The following PCDH12 variants were observed in gnomAD, a reference collection of about 807,000 sequenced individuals.
The protein encoded by PCDH12 is protocadherin-12.
Under a neutral mutation model 70.9 loss-of-function variants are expected in PCDH12, and 45 were observed. The observed-to-expected ratio is 0.63, with a 90% CI of 0.50 to 0.81. The LOEUF (loss-of-function observed/expected upper bound fraction) is 0.81, where lower values mean the gene tolerates loss of function less well. Among genes scored for constraint, PCDH12 ranks in the 40% least tolerant of loss-of-function variants. PCDH12 has a pLI of 0.00. For synonymous variants in PCDH12, 567 were observed against 626.0 expected, an observed-to-expected ratio of 0.91 and a Z score of 1.41; for missense variants, 1,370 against 1,491.7, an observed-to-expected ratio of 0.92 and a Z score of 1.34.
Position 141,943,910 on chromosome 5 carries a change from G to C in PCDH12, c.*1471C>G, listed in dbSNP as rs1489437632. 6.6e-6 allele frequency: 1 copy of C among 152,180 alleles called. No individual in the cohort carries two copies. Among genetic ancestry groups the C allele is most frequent in the Non-Finnish European group, 1.5e-5 (1 of 68,036 alleles). The allele number at this position is 152,180 out of a possible 1,614,324, so 9.4% of individuals were successfully genotyped here. Reference sequence around the variant, plus strand: ...ATAATGATACCACACTGTATTCCAAGTATGTATGATGCACATTATCCCTAG... The same window carrying C: ...ATAATGATACCACACTGTATTCCAACTATGTATGATGCACATTATCCCTAG... On this transcript the variant is annotated 3_prime_UTR_variant, in exon 4 of 4. Transcript: ENST00000231484.
intron 1 of PCDH12, chr5:141,953,406 C>G (rs1235923615): frequency 6.6e-6 from 1 of 152,192 alleles, no homozygotes; most frequent in African/African-American, 2.4e-5. Context: ...TCATTTAATT[C>G]TTACAACAGC....
Position 141,949,625 on chromosome 5 carries a change from A to T in PCDH12, c.2979-42T>A, listed in dbSNP as rs201522186. ...CCAGTCCATGGGTAGGGACATTCCC[A>T]TATAGATTCATTCATTCATGCCCAT... is the stretch of plus-strand genomic sequence containing the variant. On this transcript the variant is annotated intron_variant, in intron 2 of 3. Coordinates refer to ENST00000231484, the MANE Select transcript of PCDH12 (RefSeq NM_016580.4). The T allele has an allele frequency of 3.7e-4, 594 of 1,590,196 alleles. 1 individual carries two copies. Among genetic ancestry groups the T allele is most frequent in the Non-Finnish European group, 4.8e-4 (563 of 1,169,334 alleles).
chr5:141,945,731 A>T lies in PCDH12; in HGVS notation c.3205T>A (p.Tyr1069Asn). ...TCCGGGGAGATCACATTGTCACGGT[A>T]GTTGGTGGTGAGGGGCAAAGAGAGT... is the stretch of plus-strand genomic sequence containing the variant. Reference protein sequence around the residue: ...ARLSLPLTTNYRDNVISPDAA... With the variant: ...ARLSLPLTTNNRDNVISPDAA... The change falls in exon 4 of 4, where the codon TAC becomes AAC. Residue 1069 changes from tyrosine (Y) to asparagine (N), a missense_variant. Physicochemically the swap from Tyr to Asn is moderately radical, Grantham distance 143 (BLOSUM62 -2). Coordinates refer to ENST00000231484, the MANE Select transcript of PCDH12 (RefSeq NM_016580.4). 1 of 1,614,020 alleles carries T rather than the reference A, an allele frequency of 6.2e-7. No individual in the cohort carries two copies. The highest frequency in any genetic ancestry group is 8.5e-7 in the Non-Finnish European group (1 of 1,180,018).
chr5:141,956,522 T>C lies in PCDH12; in HGVS notation c.1330A>G (p.Lys444Glu), dbSNP rs747119462. The change falls in exon 1 of 4, where the codon AAA (lysine) becomes GAA (glutamate). Residue 444 changes from lysine (K) to glutamate (E), a missense_variant. Transcript: ENST00000231484. ...DQGLQPLSAK[K>E]QLSIQISDIN... ...TCACTGATCTGAATGCTGAGCTGTT[T>C]CTTGGCTGATAAGGGCTGGAGTCCT... 13 of 1,614,222 alleles carry C rather than the reference T, an allele frequency of 8.1e-6. No homozygotes were observed. Among genetic ancestry groups the C allele is most frequent in the Non-Finnish European group, 1.1e-5 (13 of 1,180,042 alleles).
chr5:141,951,574 AG>A lies in PCDH12; in HGVS notation c.2896del (p.Leu966CysfsTer62). ...GAATTGGCCCTGATGCAGCAAGGACAGCAGCTGGGAGATTTGCTACAAGACA... is the reference window on the plus strand; with the variant it reads ...GAATTGGCCCTGATGCAGCAAGGACACAGCTGGGAGATTTGCTACAAGACA... ...SPPVQQISQLLSLLHQGQFQP... is the reference protein window; with the variant it reads ...SPPVQQISQLXSLLHQGQFQP... On this transcript the variant is annotated frameshift_variant, in exon 2 of 4. Coordinates refer to ENST00000231484, the MANE Select transcript of PCDH12 (RefSeq NM_016580.4). LOFTEE classifies it high-confidence loss of function. 6.2e-7 allele frequency: 1 copy of A among 1,614,134 alleles called. No homozygotes were observed. The highest frequency in any genetic ancestry group is 1.6e-4 in the Middle Eastern group (1 of 6,062).
rs756063059 is a variant in PCDH12, at chr5:141,945,728, G to T, written c.3208C>A (p.Arg1070Ser). 6.2e-7 allele frequency: 1 copy of T among 1,614,120 alleles called. No homozygotes were observed. The highest frequency in any genetic ancestry group is 1.1e-5 in the South Asian group (1 of 91,088). ...RLSLPLTTNYRDNVISPDAAA... is the reference protein window; with the variant it reads ...RLSLPLTTNYSDNVISPDAAA... ...GCATCCGGGGAGATCACATTGTCACGGTAGTTGGTGGTGAGGGGCAAAGAG... is the reference window on the plus strand; with the variant it reads ...GCATCCGGGGAGATCACATTGTCACTGTAGTTGGTGGTGAGGGGCAAAGAG... Residue 1070 changes from arginine (R) to serine (S), a missense_variant, in exon 4 of 4, where the codon CGT becomes AGT. Physicochemically the swap from Arg to Ser is moderately radical, Grantham distance 110. Coordinates refer to ENST00000231484, the MANE Select transcript of PCDH12 (RefSeq NM_016580.4).
chr5:141,951,964 C>T (rs1183132632), intron 1 of PCDH12, among the ~76,000 whole-genome samples: 1 of 152,222 alleles, frequency 6.6e-6, no homozygotes, highest in Non-Finnish European at 1.5e-5. Context: ...AGTTATGTTC[C>T]CCTTTAGCAG....
chr5:141,950,486 T>C (rs750585455), intron 2 of PCDH12, among the ~76,000 whole-genome samples: 7 of 152,180 alleles, frequency 4.6e-5, no homozygotes, highest in Non-Finnish European at 7.3e-5. Context: ...CACCGTCTTA[T>C]TCAAACCTTC....
At position 141,943,611 on chromosome 5, in the gene PCDH12, G is replaced by C. The variant is rs1752828076; in HGVS notation, c.*1770C>G. 6.6e-6 allele frequency: 1 copy of C among 152,152 alleles called. No homozygotes were observed. Among genetic ancestry groups the C allele is most frequent in the Admixed American group, 6.5e-5 (1 of 15,274 alleles). The allele number at this position is 152,152 out of a possible 1,614,324, so 9.4% of individuals were successfully genotyped here. ...AAAAGGGGCCTCTGAAGCATTTATT[G>C]ACACATTTATTCATTCATACATCCA... On this transcript the variant is annotated 3_prime_UTR_variant, in exon 4 of 4. Transcript: ENST00000231484.
chr5:141,956,994 G>T lies in PCDH12; in HGVS notation c.858C>A (p.His286Gln). ...AGGTGTCCAGCACCTCTGGAGGCAT[G>T]TGCTTACTGAGGAAGAACTCCACCT... ...NGEVEFFLSK[H>Q]MPPEVLDTFS... The change falls in exon 1 of 4, where the codon CAC (histidine) becomes CAA (glutamine). Residue 286 changes from histidine to glutamine, a missense_variant. By Grantham distance (24) the His-to-Gln change is conservative. Coordinates refer to ENST00000231484, the MANE Select transcript of PCDH12 (RefSeq NM_016580.4). The T allele has an allele frequency of 6.2e-7, 1 of 1,614,202 alleles. No individual in the cohort carries two copies. The highest frequency in any genetic ancestry group is 8.5e-7 in the Non-Finnish European group (1 of 1,180,032).
chr5:141,953,729 G>C (rs1298879074), intron 1 of PCDH12, among the ~76,000 whole-genome samples: 2 of 152,242 alleles, frequency 1.3e-5, no homozygotes, highest in East Asian at 3.8e-4. Context: ...TGAATGGAAG[G>C]ATAAATGAAT....
intron 1 of PCDH12, among the ~76,000 whole-genome samples, chr5:141,954,655 G>A (rs895727844): frequency 6.6e-6 from 1 of 152,144 alleles, no homozygotes; most frequent in African/African-American, 2.4e-5. Flanking sequence ...CTACTTGTGA[G>A]GCACCATAAA....
chr5:141,949,634 C>G (rs749911680), intron 2 of PCDH12, 51 bp from the exon 3 acceptor site: 1 of 1,576,930 alleles, frequency 6.3e-7, no homozygotes, highest in Non-Finnish European at 8.6e-7. Flanking sequence ...CATATAGATT[C>G]ATTCATTCAT....
At position 141,957,631 on chromosome 5, in the gene PCDH12, G is replaced by A. The variant is rs755839229; in HGVS notation, c.221C>T (p.Ala74Val). 5.0e-5 allele frequency: 81 copies of A among 1,614,164 alleles called. No individual in the cohort carries two copies. The Middle Eastern group carries it at 8.2e-4, about 16-fold the overall frequency. ...AAFQVLQLPQ[A>V]LPIQVDSEEG... The stretch of plus-strand genomic sequence containing the variant: ...CTCAGAGTCCACCTGAATGGGGAGC[G>A]CCTGAGGCAGCTGCAACACCTGGAA... Residue 74 changes from alanine (A) to valine (V), a missense_variant, in exon 1 of 4, where the codon GCG becomes GTG. Ala to Val is a moderately conservative substitution (Grantham distance 64, BLOSUM62 0). Transcript: ENST00000231484. The surrounding 1 kb of genome is among the most constrained non-coding windows in gnomAD (Gnocchi z 4.3).
At chr5:141,949,997 G>A (rs930651295) in intron 2 of PCDH12, among the ~76,000 whole-genome samples, 49 of 152,304 alleles carry the variant, frequency 3.2e-4, no homozygotes, top group Non-Finnish European at 2.5e-4. Context: ...CCGTCCATCC[G>A]TCCGTAGGAG....
chr5:141,949,349 C>T lies in PCDH12; in HGVS notation c.3130+83G>A. Reference sequence around the variant, plus strand: ...CTCCACAGAAACAGAATGGCTTTTCCCTGCAGTGGATTGGAGCAGAACTCT... The same window carrying T: ...CTCCACAGAAACAGAATGGCTTTTCTCTGCAGTGGATTGGAGCAGAACTCT... On this transcript the variant is annotated intron_variant, in intron 3 of 3. Transcript: ENST00000231484. 3 of 1,496,690 alleles carry T rather than the reference C, an allele frequency of 2.0e-6. 1 individual carries two copies. The highest frequency in any genetic ancestry group is 2.8e-5 in the South Asian group (2 of 70,630). 92.7% of individuals were successfully genotyped at this position (1,496,690 alleles called of 1,614,324 possible). A position where few individuals can be genotyped will look rare whatever the true frequency, so the allele number is the denominator to read the frequency against.
chr5:141,955,908 G>A lies in PCDH12; in HGVS notation c.1944C>T (p.Ile648=), dbSNP rs377758658. The part of the protein sequence containing the change: ...IRSGNEAHLF[I]LNPHTGQLFV... The stretch of plus-strand genomic sequence containing the variant: ...ACAGCTGCCCCGTATGAGGGTTGAG[G>A]ATGAAGAGGTGGGCTTCATTTCCAC... Residue 648 remains isoleucine (I), a synonymous_variant, in exon 1 of 4, where the codon ATC becomes ATT. Coordinates refer to ENST00000231484, the MANE Select transcript of PCDH12 (RefSeq NM_016580.4). This position sits in a 1 kb window ranked among gnomAD's most constrained non-coding sequence, Gnocchi z 5.5. 14 of 1,614,112 alleles carry A rather than the reference G, an allele frequency of 8.7e-6. No homozygotes were observed. Among genetic ancestry groups the A allele is most frequent in the Non-Finnish European group, 1.0e-5 (12 of 1,180,054 alleles).
Position 141,951,507 on chromosome 5 carries a change from C to A in PCDH12, c.2964G>T (p.Lys988Asn). ...GTGCTGCTTACCTGCTGCCTCCTGGCTTGGCCAAGTACTTATTTCCTCGGT... is the reference window on the plus strand; with the variant it reads ...GTGCTGCTTACCTGCTGCCTCCTGGATTGGCCAAGTACTTATTTCCTCGGT... ...PNHRGNKYLA[K>N]PGGSRSAIPD... The change falls in exon 2 of 4, where the codon AAG becomes AAT. Residue 988 changes from lysine to asparagine, a missense_variant. Coordinates refer to ENST00000231484, the MANE Select transcript of PCDH12 (RefSeq NM_016580.4). 2 of 1,614,132 alleles carry A rather than the reference C, an allele frequency of 1.2e-6. No individual in the cohort carries two copies. The highest frequency in any genetic ancestry group is 1.7e-6 in the Non-Finnish European group (2 of 1,179,990).
rs141990944 is a variant in PCDH12, at chr5:141,955,007, C to A, written c.2845G>T (p.Val949Leu). The A allele has an allele frequency of 3.1e-6, 5 of 1,613,982 alleles. No homozygotes were observed. The East Asian group carries it at 8.9e-5, about 29-fold the overall frequency. Residue 949 changes from valine (V) to leucine (L), a missense_variant, in exon 1 of 4, where the codon GTG becomes TTG. Transcript: ENST00000231484. This position sits in a 1 kb window ranked among gnomAD's most constrained non-coding sequence, Gnocchi z 5.5. ...GGAGAATCCACAGTGAGCTCCTCCA[C>A]GGGGTTCCGCTCGGCGAAGGCAGCC... ...SVAAFAERNP[V>L]EELTVDSPPV...
Sources: gnomAD v4.1 joint callset for allele counts (sites outside exome capture counted in the v4.1 genomes callset) on GRCh38, gnomAD v4.1.1 for gene constraint, Gnocchi (gnomAD v3.1) non-coding constraint, MANE v1.5 for transcripts, NCBI Gene and HGNC (gene_info 2026-07-23, HGNC 2026-07-21) for gene names.